The following ACER3 variants were observed in gnomAD, a reference collection of about 807,000 sequenced individuals.
ACER3 encodes alkaline ceramidase 3, also known as alkCDase 3.
A neutral mutation model predicts 48.9 loss-of-function variants in ACER3; 16 were observed. The ratio of observed to expected loss-of-function variants is 0.33; its 90% CI spans 0.22 to 0.50. The LOEUF (loss-of-function observed/expected upper bound fraction) is 0.50. ACER3 is among the 20% of genes least tolerant of loss of function. The probability of loss-of-function intolerance (pLI) is 0.98; values close to 1 mark genes in which losing one functional copy is unlikely to be tolerated. For synonymous variants in ACER3, 109 were observed against 107.8 expected (o/e 1.01, Z -0.07); for missense variants, 227 against 326.0 (o/e 0.70, Z 2.34).
intron 1 of ACER3, among the ~76,000 whole-genome samples, chr11:76,875,248 G>A (rs1945342966): frequency 6.7e-6 from 1 of 150,224 alleles, no homozygotes; most frequent in Non-Finnish European, 1.5e-5. Flanking sequence ...CTAGTAGCTG[G>A]GATTACAGGC....
intron 1 of ACER3, among the ~76,000 whole-genome samples, chr11:76,900,294 G>T (rs553332312): frequency 6.6e-6 from 1 of 152,186 alleles, no homozygotes; most frequent in African/African-American, 2.4e-5. Context: ...CTGTCTCAGG[G>T]GTGGCAGAGG....
intron 3 of ACER3, among the ~76,000 whole-genome samples, chr11:76,972,277 C>T (rs927900962): frequency 1.3e-5 from 2 of 151,218 alleles, no homozygotes; most frequent in African/African-American, 4.8e-5. Context: ...TTTAGTATAG[C>T]CATCTTGTGG....
chr11:76,908,805 A>G (rs1946298777), intron 1 of ACER3, among the ~76,000 whole-genome samples: 1 of 152,212 alleles, frequency 6.6e-6, no homozygotes, highest in Non-Finnish European at 1.5e-5. Flanking sequence ...AAGAGCCCAT[A>G]TAGCCAAGAC....
chr11:76,939,238 CAG>C (rs959650226), intron 2 of ACER3, among the ~76,000 whole-genome samples: 3 of 152,148 alleles, frequency 2.0e-5, no homozygotes, highest in African/African-American at 7.2e-5. Context: ...ACTATTTGGT[CAG>C]AGTGTTTGGT....
chr11:77,005,994 T>TATATATATA (rs1272209642), intron 7 of ACER3, among the ~76,000 whole-genome samples: 1 of 82,150 alleles, frequency 1.2e-5, no homozygotes. Flanking sequence ...TATATATATT[T>TATATATATA]TTTTTTTTTT....
rs146121876 is a variant in ACER3, at chr11:76,904,427, C to T, written c.104-22130C>T. 4.0e-3 allele frequency among the ~76,000 whole-genome samples: 607 copies of T among 152,220 alleles called. 1 individual carries two copies. The highest frequency in any genetic ancestry group is 0.02 in the Middle Eastern group (6 of 294). ...GACCTGTAAGCCCTCCCTGCCACCC[C>T]CCATAAAGATGTCCCACCCTTCTGG... On this transcript the variant is annotated intron_variant, in intron 1 of 10. Coordinates refer to ENST00000532485, the MANE Select transcript of ACER3 (RefSeq NM_018367.7).
chr11:76,868,385 CTCTCTCTGTGTG>C (rs1303333914), intron 1 of ACER3: 62 of 545,996 alleles, frequency 1.1e-4, no homozygotes, highest in Admixed American at 1.6e-4. Flanking sequence ...ATCTCTCTCT[CTCTCTCTGTGTG>C]TGTGTGTGTG....
chr11:77,026,688 T>C lies in ACER3; in HGVS notation c.*6361T>C, dbSNP rs1242441528. ...ATGCCACAATCATTTTTCTAGAAAATAGTAGGATAATGTATTTTTTCCTGT... is the reference window on the plus strand; with the variant it reads ...ATGCCACAATCATTTTTCTAGAAAACAGTAGGATAATGTATTTTTTCCTGT... On this transcript the variant is annotated 3_prime_UTR_variant, in exon 11 of 11. Transcript: ENST00000532485. 1.3e-5 allele frequency: 2 copies of C among 152,178 alleles called. No homozygotes were observed. Among genetic ancestry groups the C allele is most frequent in the Non-Finnish European group, 2.9e-5 (2 of 68,034 alleles). 9.4% of individuals were successfully genotyped at this position (152,178 alleles called of 1,614,324 possible). A position where few individuals can be genotyped will look rare whatever the true frequency, so the allele number is the denominator to read the frequency against.
intron 3 of ACER3, among the ~76,000 whole-genome samples, chr11:76,960,974 A>G (rs1372557103): frequency 1.3e-5 from 2 of 152,122 alleles, no homozygotes; most frequent in Admixed American, 6.6e-5. Context: ...TGACTTCTAC[A>G]TGGCAGAGTG....
At chr11:76,895,685 G>A (rs1362378482) in intron 1 of ACER3, among the ~76,000 whole-genome samples, 1 of 152,066 alleles carries the variant, frequency 6.6e-6, no homozygotes, top group African/African-American at 2.4e-5. Context: ...CACCCTTAAG[G>A]GCAGAGAAAA....
chr11:76,983,535 G>A (rs188379839), intron 4 of ACER3, among the ~76,000 whole-genome samples: 19 of 152,142 alleles, frequency 1.2e-4, no homozygotes, highest in African/African-American at 2.2e-4. Flanking sequence ...AGCTGGTCTC[G>A]AACTCCTGAC....
chr11:77,022,271 C>T lies in ACER3; in HGVS notation c.*1944C>T, dbSNP rs1949483918. The T allele has an allele frequency of 6.6e-6, 1 of 152,152 alleles. No homozygotes were observed. Among genetic ancestry groups the T allele is most frequent in the South Asian group, 2.1e-4 (1 of 4,826 alleles). 9.4% of individuals were successfully genotyped at this position (152,152 alleles called of 1,614,324 possible). On this transcript the variant is annotated 3_prime_UTR_variant, in exon 11 of 11. Transcript: ENST00000532485. ...TCAGATTAAGGGTACAGAAAGCACA[C>T]CTTGATACTGAGGCCATTTAGAGCA...
intron 4 of ACER3, among the ~76,000 whole-genome samples, chr11:76,977,422 T>C (rs1948470591): frequency 6.6e-6 from 1 of 152,228 alleles, no homozygotes; most frequent in Non-Finnish European, 1.5e-5. Flanking sequence ...ATAGGTCTTC[T>C]ATTTGAGTAA....
intron 1 of ACER3, among the ~76,000 whole-genome samples, chr11:76,906,049 A>G (rs1293479986): frequency 6.6e-6 from 1 of 152,248 alleles, no homozygotes; most frequent in Admixed American, 6.5e-5. Flanking sequence ...TCTTGCTTCT[A>G]GCCTCACAGG....
At chr11:76,935,374 A>G (rs931402947) in intron 2 of ACER3, among the ~76,000 whole-genome samples, 1 of 152,198 alleles carries the variant, frequency 6.6e-6, no homozygotes, top group Non-Finnish European at 1.5e-5. Flanking sequence ...AGACTTTAAT[A>G]TGTATATTGA....
chr11:76,869,323 G>C (rs1295325576), intron 1 of ACER3, among the ~76,000 whole-genome samples: 1 of 152,194 alleles, frequency 6.6e-6, no homozygotes, highest in African/African-American at 2.4e-5. Context: ...AGTTTGAGTT[G>C]ATATATGCAG....
rs10565723 is a variant in ACER3, at chr11:77,022,868, CAAAAAA to C, written c.*2560_*2565del. 7 of 281,760 alleles carry C rather than the reference CAAAAAA, an allele frequency of 2.5e-5. No homozygotes were observed. The highest frequency in any genetic ancestry group is 1.1e-4 in the East Asian group (2 of 17,394). The allele number at this position is 281,760 out of a possible 1,614,324, so 17.5% of individuals were successfully genotyped here. A position where few individuals can be genotyped will look rare whatever the true frequency, so the allele number is the denominator to read the frequency against. On this transcript the variant is annotated 3_prime_UTR_variant, in exon 11 of 11. Coordinates refer to ENST00000532485, the MANE Select transcript of ACER3 (RefSeq NM_018367.7). Reference sequence around the variant, plus strand: ...ATGGTGGCAGAGCGAGACTCCGTCTCAAAAAAAAAAAAAAAAAAAAAAAAGAAAAGA... The same window carrying C: ...ATGGTGGCAGAGCGAGACTCCGTCTCAAAAAAAAAAAAAAAAAAGAAAAGA...
chr11:76,911,603 T>A (rs1453603276), intron 1 of ACER3, among the ~76,000 whole-genome samples: 1 of 152,108 alleles, frequency 6.6e-6, no homozygotes, highest in African/African-American at 2.4e-5. Flanking sequence ...CAAGATGGAG[T>A]TGCCCTGGTT....
intron 1 of ACER3, among the ~76,000 whole-genome samples, chr11:76,886,417 G>A (rs1206899543): frequency 6.6e-6 from 1 of 152,192 alleles, no homozygotes; most frequent in Non-Finnish European, 1.5e-5. Context: ...TCAGCCAGGA[G>A]AGTAAACTTT....
Sources: allele counts gnomAD v4.1 joint callset (sites outside exome capture counted in the v4.1 genomes callset), GRCh38; gene constraint gnomAD v4.1.1; transcripts MANE v1.5; gene names NCBI Gene and HGNC (gene_info 2026-07-23, HGNC 2026-07-21).